Variants in PKIB observed in about 807,000 individuals in gnomAD.
The protein encoded by PKIB is PKI-beta.
A neutral mutation model predicts 4.5 loss-of-function variants in PKIB; 2 were observed. The ratio of observed to expected loss-of-function variants is 0.44; its 90% confidence interval spans 0.18 to 1.39. PKIB has a LOEUF of 1.39. Ranked by LOEUF, PKIB falls within the 40% of genes most tolerant of loss-of-function variation. PKIB has a pLI of 0.27. For missense variants in PKIB, 94 were observed against 92.6 expected, an observed-to-expected ratio of 1.02 and a Z score of -0.06; for synonymous variants, 38 against 36.0, an observed-to-expected ratio of 1.06 and a Z score of -0.20.
chr6:122,669,664 C>G (rs1185131413), intron 2 of PKIB, among the ~76,000 whole-genome samples: 1 of 152,052 alleles, frequency 6.6e-6, no homozygotes, highest in Non-Finnish European at 1.5e-5. Context: ...CCCATACTTT[C>G]AGCTCCCGCC....
chr6:122,620,608 T>G (rs1775187463), intron 1 of PKIB, among the ~76,000 whole-genome samples: 1 of 152,198 alleles, frequency 6.6e-6, no homozygotes, highest in African/African-American at 2.4e-5. Context: ...TGAAAGTGGT[T>G]ATACATGTCT....
At chr6:122,563,950 C>T (rs1261930324) in intron 2 of PKIB, among the ~76,000 whole-genome samples, 6 of 152,170 alleles carry the variant, frequency 3.9e-5, no homozygotes, top group Non-Finnish European at 7.4e-5. Context: ...TGCACACCTT[C>T]CCCCAAGTTC....
At chr6:122,593,783 C>T (rs557328625) in intron 3 of PKIB, among the ~76,000 whole-genome samples, 15 of 152,176 alleles carry the variant, frequency 9.9e-5, no homozygotes, top group African/African-American at 1.4e-4. Context: ...CAAAAGTTGT[C>T]AGGAACAGAG....
chr6:122,565,532 C>T (rs1209252375), intron 2 of PKIB, among the ~76,000 whole-genome samples: 2 of 152,168 alleles, frequency 1.3e-5, no homozygotes, highest in African/African-American at 2.4e-5. Context: ...AGTATCCTGA[C>T]ATTTTTCTAC....
chr6:122,604,814 T>A (rs985242800), intron 3 of PKIB, among the ~76,000 whole-genome samples: 1 of 152,218 alleles, frequency 6.6e-6, no homozygotes, highest in Non-Finnish European at 1.5e-5. Context: ...GCCCTGCTAC[T>A]CTGCAAAACA....
In PKIB at chr6:122,725,426, A is replaced by G. The variant is rs1779917969; in HGVS notation, c.*231A>G. ...CCAAATCGCACTGAAGGAAAAGGTT[A>G]AGAATAATACATGATCACAGAAATG... On this transcript the variant is annotated 3_prime_UTR_variant, in exon 5 of 5. Coordinates refer to ENST00000368452, the MANE Select transcript of PKIB (RefSeq NM_181795.3). 1 of 491,996 alleles carries G rather than the reference A, an allele frequency of 2.0e-6. No individual in the cohort carries two copies. Among genetic ancestry groups the G allele is most frequent in the Non-Finnish European group, 3.7e-6 (1 of 270,726 alleles). 30.5% of individuals were successfully genotyped at this position (491,996 alleles called of 1,614,324 possible).
At chr6:122,660,485 C>T (rs1776941842) in intron 2 of PKIB, among the ~76,000 whole-genome samples, 1 of 152,114 alleles carries the variant, frequency 6.6e-6, no homozygotes, top group African/African-American at 2.4e-5. Context: ...CAGACTAAAC[C>T]ACAGATACGG....
chr6:122,541,720 A>G (rs1352212462), intron 2 of PKIB, among the ~76,000 whole-genome samples: 1 of 151,770 alleles, frequency 6.6e-6, no homozygotes, highest in Non-Finnish European at 1.5e-5. Context: ...CTGAATCTGA[A>G]TGTTGGCCTG....
upstream of PKIB, among the ~76,000 whole-genome samples, chr6:122,608,427 ACTC>A (rs1774618453): frequency 6.6e-6 from 1 of 152,102 alleles, no homozygotes; most frequent in Non-Finnish European, 1.5e-5. Flanking sequence ...GGACTCAAAA[ACTC>A]CTCCTTGCAC....
chr6:122,536,203 G>T (rs1213985065), intron 2 of PKIB, among the ~76,000 whole-genome samples: 2 of 152,136 alleles, frequency 1.3e-5, no homozygotes, highest in Non-Finnish European at 2.9e-5. Flanking sequence ...GCCTCCCAAA[G>T]TGTTAAGATT....
At chr6:122,661,695 A>G (rs936133196) in intron 2 of PKIB, among the ~76,000 whole-genome samples, 1 of 152,094 alleles carries the variant, frequency 6.6e-6, no homozygotes, top group African/African-American at 2.4e-5. Flanking sequence ...TGCTTTCATT[A>G]CTTTTGGTTA....
At chr6:122,700,078 A>G (rs142511862) in intron 3 of PKIB, among the ~76,000 whole-genome samples, 1 of 152,234 alleles carries the variant, frequency 6.6e-6, no homozygotes, top group Non-Finnish European at 1.5e-5. Flanking sequence ...ACAAAAGCCA[A>G]TCAGTGCCCC....
At chr6:122,613,981 G>A (rs200264208) in intron 1 of PKIB, among the ~76,000 whole-genome samples, 52 of 106,678 alleles carry the variant, frequency 4.9e-4, no homozygotes, top group Non-Finnish European at 5.2e-4. Context: ...AAAAAAAAAA[G>A]AATTACAGTT....
At chr6:122,667,853 T>C (rs1202271309) in intron 2 of PKIB, among the ~76,000 whole-genome samples, 1 of 152,164 alleles carries the variant, frequency 6.6e-6, no homozygotes, top group Non-Finnish European at 1.5e-5. Context: ...TTTCAGGTTA[T>C]ATTTAAATGC....
chr6:122,518,525 AG>A (rs1202511500), intron 2 of PKIB, among the ~76,000 whole-genome samples: 1 of 151,948 alleles, frequency 6.6e-6, no homozygotes, highest in East Asian at 1.9e-4. Context: ...CTCTCTGGAG[AG>A]GAACGATTTG....
intron 1 of PKIB, among the ~76,000 whole-genome samples, chr6:122,631,689 AG>A (rs1481961502): frequency 6.6e-6 from 1 of 152,194 alleles, no homozygotes; most frequent in African/African-American, 2.4e-5. Context: ...CCTCCAGGAA[AG>A]GACATGACTC....
chr6:122,642,623 G>A (rs1162257563), intron 2 of PKIB, among the ~76,000 whole-genome samples: 1 of 152,154 alleles, frequency 6.6e-6, no homozygotes, highest in African/African-American at 2.4e-5. Context: ...GGAAAATAAG[G>A]TGTCACTGGT....
At chr6:122,499,527 C>A (rs1240465097) in intron 2 of PKIB, among the ~76,000 whole-genome samples, 2 of 152,248 alleles carry the variant, frequency 1.3e-5, no homozygotes, top group Admixed American at 1.3e-4. Flanking sequence ...ATGAAAAGAA[C>A]ACTCAACAAA....
At chr6:122,512,375 A>G (rs1457339953) in intron 2 of PKIB, among the ~76,000 whole-genome samples, 2 of 152,062 alleles carry the variant, frequency 1.3e-5, no homozygotes, top group African/African-American at 2.4e-5. Context: ...TTTATATCAG[A>G]TATTGGAAAT....
Sources: gnomAD v4.1 joint callset for allele counts (sites outside exome capture counted in the v4.1 genomes callset) on GRCh38, gnomAD v4.1.1 for gene constraint, MANE v1.5 for transcripts, NCBI Gene and HGNC (gene_info 2026-07-23, HGNC 2026-07-21) for gene names.